Variants in ZNF423 observed in about 807,000 individuals in gnomAD.
The protein encoded by ZNF423 is Ebf-associated zinc finger protein.
ZNF423 carries 12 observed loss-of-function variants against 95.8 expected under a neutral mutation model. The observed-to-expected ratio is 0.13, with a 90% CI of 0.08 to 0.20. The LOEUF is 0.20. Among genes scored for constraint, ZNF423 ranks in the 10% least tolerant of loss-of-function variants. ZNF423 has a pLI of 1.00. For missense variants in ZNF423, 1,316 were observed against 1,737.1 expected (o/e 0.76, Z 4.31); for synonymous variants, 749 against 711.9 (o/e 1.05, Z -0.83).
intron 3 of ZNF423, among the ~76,000 whole-genome samples, chr16:49,714,502 C>CA (rs1437394847): frequency 5.3e-5 from 8 of 151,454 alleles, no homozygotes; most frequent in Admixed American, 3.9e-4. Flanking sequence ...ACTAAAAATA[C>CA]AAAAAATTAG....
rs534692525 is a variant in ZNF423 at position 49,528,387 on chromosome 16, A to G, written c.3602-2893T>C. ...GGAGCTGCAAGCCGTCCGGGGCCCA[A>G]ACGGCTACCATTTAAGCAGATCACA... On this transcript the variant is annotated intron_variant, in intron 5 of 7. Transcript: ENST00000563137. Among the ~76,000 whole-genome samples, 104 of 152,228 alleles carry G rather than the reference A, an allele frequency of 6.8e-4. 1 individual carries two copies. In the South Asian group the frequency reaches 0.021, roughly 31 times the overall value.
At chr16:49,684,372 AT>A (rs2031483845) in intron 3 of ZNF423, among the ~76,000 whole-genome samples, 1 of 152,238 alleles carries the variant, frequency 6.6e-6, no homozygotes, top group South Asian at 2.1e-4. Context: ...TATCAGGGAT[AT>A]TTAGATTCTC....
intron 3 of ZNF423, among the ~76,000 whole-genome samples, chr16:49,649,320 A>T (rs2540732): frequency 6.6e-6 from 1 of 152,016 alleles, no homozygotes; most frequent in South Asian, 2.1e-4. Flanking sequence ...CCATCTCTTG[A>T]TAGAGAGAAT....
chr16:49,630,671 A>C (rs959471143), intron 4 of ZNF423, among the ~76,000 whole-genome samples: 1 of 152,128 alleles, frequency 6.6e-6, no homozygotes, highest in East Asian at 1.9e-4. Context: ...GGAACAGTCC[A>C]TGATCACAGT....
intron 1 of ZNF423, among the ~76,000 whole-genome samples, chr16:49,845,078 A>G (rs2035231043): frequency 6.7e-6 from 1 of 149,840 alleles, no homozygotes; most frequent in South Asian, 2.1e-4. Context: ...TCTTTTAGAC[A>G]TAATGACCCA....
chr16:49,681,191 C>T lies in ZNF423; in HGVS notation c.302-42317G>A, dbSNP rs569703735. On this transcript the variant is annotated intron_variant, in intron 3 of 7. Coordinates refer to ENST00000563137, the MANE Select transcript of ZNF423 (RefSeq NM_001379286.1). ...GTACAAACTCCAATAGGAAAGGAAG[C>T]GAGAAGTGAAGGGTGGATTTGGGGA... Among the ~76,000 whole-genome samples, 45 of 152,246 alleles carry T rather than the reference C, an allele frequency of 3.0e-4. No homozygotes were observed. The South Asian group carries it at 6.8e-3, about 23-fold the overall frequency.
At position 49,523,921 on chromosome 16, in the gene ZNF423, T is replaced by G. The variant is rs572360262; in HGVS notation, c.3734-182A>C. ...GAGGCTCAAGTTAGATAAGCTGAGC[T>G]CCGGTACTTAGTGGCTGTGCAACCC... is the stretch of plus-strand genomic sequence containing the variant. On this transcript the variant is annotated intron_variant, in intron 6 of 7. Coordinates refer to ENST00000563137, the MANE Select transcript of ZNF423 (RefSeq NM_001379286.1). Among the ~76,000 whole-genome samples the G allele has an allele frequency of 5.9e-5, 9 of 152,266 alleles. No homozygotes were observed. The South Asian group carries it at 1.9e-3, about 32-fold the overall frequency.
At chr16:49,640,422 A>G (rs1457056424) in intron 3 of ZNF423, among the ~76,000 whole-genome samples, 2 of 152,112 alleles carry the variant, frequency 1.3e-5, no homozygotes, top group African/African-American at 2.4e-5. Context: ...CTGCAGACAC[A>G]CACACACACA....
At chr16:49,504,700 C>T (rs754852053) in intron 7 of ZNF423, among the ~76,000 whole-genome samples, 17 of 152,168 alleles carry the variant, frequency 1.1e-4, no homozygotes, top group South Asian at 2.1e-4. Context: ...CATAGCAGCC[C>T]GAGACATCCT....
At chr16:49,579,182 G>T (rs1970587198) in intron 5 of ZNF423, among the ~76,000 whole-genome samples, 1 of 152,084 alleles carries the variant, frequency 6.6e-6, no homozygotes, top group African/African-American at 2.4e-5. Context: ...CTGGGCACTG[G>T]GAATATTCTG....
chr16:49,528,594 A>G (rs1467128600), intron 5 of ZNF423, among the ~76,000 whole-genome samples: 1 of 152,232 alleles, frequency 6.6e-6, no homozygotes, highest in East Asian at 1.9e-4. Context: ...GGGATGGAAT[A>G]AAGCCTGAAG....
intron 5 of ZNF423, among the ~76,000 whole-genome samples, chr16:49,546,432 AAGG>A (rs1345637713): frequency 1.3e-5 from 2 of 152,276 alleles, no homozygotes; most frequent in East Asian, 1.9e-4. Flanking sequence ...TCATTTGTGA[AAGG>A]AGGAGGTAGG....
intron 7 of ZNF423, among the ~76,000 whole-genome samples, chr16:49,494,783 T>C (rs1000101868): frequency 2.4e-4 from 36 of 152,262 alleles, no homozygotes; most frequent in African/African-American, 8.4e-4. Context: ...GCTACTGCAA[T>C]CAGCACAGTT....
chr16:49,520,723 C>G (rs1188426056), intron 7 of ZNF423, among the ~76,000 whole-genome samples: 1 of 152,206 alleles, frequency 6.6e-6, no homozygotes, highest in Admixed American at 6.5e-5. Flanking sequence ...CAAGAAACAA[C>G]AGCACACTTG....
intron 1 of ZNF423, among the ~76,000 whole-genome samples, chr16:49,799,793 T>A (rs1422188056): frequency 6.6e-6 from 1 of 152,176 alleles, no homozygotes; most frequent in Non-Finnish European, 1.5e-5. Context: ...TTTGTTTTGG[T>A]TTATTTTATT....
intron 3 of ZNF423, chr16:49,711,417 T>C (rs2143133867): frequency 6.6e-6 from 1 of 152,326 alleles, no homozygotes; most frequent in South Asian, 2.1e-4. Context: ...CTCTGAGGTC[T>C]AATACTAAAT....
intron 5 of ZNF423, among the ~76,000 whole-genome samples, chr16:49,542,273 A>T (rs369825396): frequency 2.6e-5 from 4 of 152,134 alleles, no homozygotes; most frequent in African/African-American, 7.2e-5. Context: ...CCTTGACTCT[A>T]TTCCATCACC....
intron 5 of ZNF423, among the ~76,000 whole-genome samples, chr16:49,595,829 C>T (rs1204180323): frequency 6.6e-6 from 1 of 152,238 alleles, no homozygotes; most frequent in Non-Finnish European, 1.5e-5. Context: ...CTAAAATAAA[C>T]AGTTTAGTAA....
At chr16:49,664,018 C>A (rs908690980) in intron 3 of ZNF423, 25 of 971,226 alleles carry the variant, frequency 2.6e-5, no homozygotes, top group Admixed American at 6.1e-5. Context: ...GGTGCAGACA[C>A]CAGCCTGTTT....
Sources: allele counts gnomAD v4.1 joint callset (sites outside exome capture counted in the v4.1 genomes callset), GRCh38; gene constraint gnomAD v4.1.1; transcripts MANE v1.5; gene names NCBI Gene and HGNC (gene_info 2026-07-23, HGNC 2026-07-21).